CRB1: variants seen among roughly 807,000 people sequenced by gnomAD.
CRB1 encodes the protein protein crumbs homolog 1.
Under a neutral mutation model 120.0 loss-of-function variants are expected in CRB1, and 83 were observed. The observed-to-expected ratio is 0.69, with a 90% CI of 0.58 to 0.83. The LOEUF is 0.83. Among genes scored for constraint, CRB1 ranks in the 40% least tolerant of loss-of-function variants. The pLI, the probability that CRB1 is intolerant of heterozygous loss-of-function variation, is 0.00. For missense variants in CRB1, 1,699 were observed against 1,687.6 expected (o/e 1.01, Z -0.12); for synonymous variants, 625 against 612.5 (o/e 1.02, Z -0.30).
chr1:197,271,221 A>G (rs1241161128), intron 1 of CRB1, among the ~76,000 whole-genome samples: 1 of 152,136 alleles, frequency 6.6e-6, no homozygotes, highest in Non-Finnish European at 1.5e-5. Flanking sequence ...GAAAGGGAGA[A>G]AGAAATTTCA....
In CRB1 at chr1:197,477,955, C is replaced by T; in HGVS notation, c.*76C>T. 1 of 1,391,500 alleles carries T rather than the reference C, an allele frequency of 7.2e-7. No homozygotes were observed. The highest frequency in any genetic ancestry group is 2.3e-5 in the East Asian group (1 of 43,792). 86.2% of individuals were successfully genotyped at this position (1,391,500 alleles called of 1,614,324 possible). ...CTGTACTTCAGGTATCTCTGACATA[C>T]CTGACAATGTTAATCTGCAACTGGG... is the stretch of plus-strand genomic sequence containing the variant. On this transcript the variant is annotated 3_prime_UTR_variant, in exon 12 of 12. Coordinates refer to ENST00000367400, the MANE Select transcript of CRB1 (RefSeq NM_201253.3).
chr1:197,477,557 G>A lies in CRB1; in HGVS notation c.4006-107G>A, dbSNP rs1667248352. 5.3e-6 allele frequency: 5 copies of A among 943,820 alleles called. No homozygotes were observed. The South Asian group carries it at 5.4e-5, about 10-fold the overall frequency. The allele number at this position is 943,820 out of a possible 1,614,324, so 58.5% of individuals were successfully genotyped here. ...CTTGGTCTTTTTACAGTACTGAGTG[G>A]TACCAGCTTGCTCTGGTTGGTCTTC... On this transcript the variant is annotated intron_variant, in intron 11 of 11. Coordinates refer to ENST00000367400, the MANE Select transcript of CRB1 (RefSeq NM_201253.3).
At chr1:197,214,420 G>A in the CRB1 span, among the ~76,000 whole-genome samples, 1 of 151,974 alleles carries the variant, frequency 6.6e-6, no homozygotes, top group Admixed American at 6.6e-5. Context: ...TATATGAAGG[G>A]CCCAATTTTA....
the CRB1 span, among the ~76,000 whole-genome samples, chr1:197,234,715 T>G: frequency 6.6e-6 from 1 of 152,210 alleles, no homozygotes; most frequent in Non-Finnish European, 1.5e-5. Flanking sequence ...AGAAGCCATG[T>G]GGGCAAGGAC....
the CRB1 span, among the ~76,000 whole-genome samples, chr1:197,214,931 A>C: frequency 1.3e-5 from 2 of 152,206 alleles, no homozygotes; most frequent in Non-Finnish European, 2.9e-5. Context: ...AAAATCGTAA[A>C]AACAAAACAA....
At chr1:197,272,849 A>ATTTT (rs1654981795) in intron 1 of CRB1, among the ~76,000 whole-genome samples, 1 of 152,206 alleles carries the variant, frequency 6.6e-6, no homozygotes, top group Admixed American at 6.5e-5. Context: ...ATTTGTCAAA[A>ATTTT]TGTACAGAAT....
At chr1:197,208,081 T>A in the CRB1 span, among the ~76,000 whole-genome samples, 2 of 152,256 alleles carry the variant, frequency 1.3e-5, no homozygotes, top group Non-Finnish European at 2.9e-5. Context: ...GATTTTTTTT[T>A]AATTTATACT....
At chr1:197,352,006 G>A (rs185876458) in intron 4 of CRB1, among the ~76,000 whole-genome samples, 2 of 152,280 alleles carry the variant, frequency 1.3e-5, no homozygotes, top group South Asian at 2.1e-4. Flanking sequence ...AGAATCCACT[G>A]ATGTAATTGC....
At position 197,477,826 on chromosome 1, in the gene CRB1, C is replaced by T. The variant is rs763324776; in HGVS notation, c.4168C>T (p.Arg1390Ter). 5.6e-6 allele frequency: 9 copies of T among 1,613,708 alleles called. No homozygotes were observed. Among genetic ancestry groups the T allele is most frequent in the Admixed American group, 5.0e-5 (3 of 59,946 alleles). The change falls in exon 12 of 12, where the codon CGA becomes TGA. Residue 1390 changes from arginine to a stop codon, truncating the protein, a stop_gained. Transcript: ENST00000367400. LOFTEE classifies it high-confidence loss of function. ...SPSRQEKEGS[R>*]VEMWNLMPPP... is the part of the protein sequence containing the mutation. ...CAGCCGTCAGGAGAAGGAGGGCTCC[C>T]GAGTGGAAATGTGGAACTTGATGCC...
intron 5 of CRB1, among the ~76,000 whole-genome samples, chr1:197,398,070 C>CA (rs1662862635): frequency 6.6e-6 from 1 of 152,172 alleles, no homozygotes; most frequent in East Asian, 1.9e-4. Context: ...CACCACTGCA[C>CA]AAAAAACTCA....
At chr1:197,412,734 C>T (rs1250378611) in intron 5 of CRB1, among the ~76,000 whole-genome samples, 5 of 152,192 alleles carry the variant, frequency 3.3e-5, no homozygotes, top group Admixed American at 2.0e-4. Flanking sequence ...AAGATTATAT[C>T]TATTTTTCTT....
chr1:197,416,392 T>A lies in CRB1; in HGVS notation c.1172-4608T>A, dbSNP rs527259317. Among the ~76,000 whole-genome samples the A allele has an allele frequency of 3.3e-5, 5 of 152,324 alleles. 1 individual carries two copies. In the South Asian group the frequency reaches 1.0e-3, roughly 32 times the overall value. On this transcript the variant is annotated intron_variant, in intron 5 of 11. Transcript: ENST00000367400. ...GTTTTATTCTCATATATTATCGACA[T>A]CTGCTGGGAACATACTATGTACAAT...
chr1:197,461,066 A>G (rs532037416), intron 11 of CRB1, among the ~76,000 whole-genome samples: 2 of 152,306 alleles, frequency 1.3e-5, no homozygotes, highest in African/African-American at 4.8e-5. Flanking sequence ...TAAATTATCC[A>G]TATTTGCAGC....
At chr1:197,371,239 G>A (rs895277523) in intron 5 of CRB1, among the ~76,000 whole-genome samples, 1 of 151,980 alleles carries the variant, frequency 6.6e-6, no homozygotes, top group Non-Finnish European at 1.5e-5. Flanking sequence ...CCTGACAAAG[G>A]TACAATTATG....
At chr1:197,246,997 G>A in the CRB1 span, among the ~76,000 whole-genome samples, 1 of 152,048 alleles carries the variant, frequency 6.6e-6, no homozygotes, top group Non-Finnish European at 1.5e-5. Context: ...CAGATAGACT[G>A]TACTCAGTTT....
At chr1:197,287,665 A>G (rs1655909442) in intron 1 of CRB1, among the ~76,000 whole-genome samples, 1 of 151,850 alleles carries the variant, frequency 6.6e-6, no homozygotes, top group Non-Finnish European at 1.5e-5. Flanking sequence ...TGTGCAGTTT[A>G]TCCAAGGATG....
At chr1:197,422,035 T>C in intron 6 of CRB1, 79 bp downstream of exon 6, 2 of 1,316,384 alleles carry the variant, frequency 1.5e-6, no homozygotes, top group South Asian at 2.4e-5. Flanking sequence ...GCCAGACTGC[T>C]TCTGCCTGCT....
At chr1:197,256,396 T>C in the CRB1 span, among the ~76,000 whole-genome samples, 1 of 152,042 alleles carries the variant, frequency 6.6e-6, no homozygotes, top group African/African-American at 2.4e-5. Context: ...TAAGTGTTAT[T>C]ATCTCTCCAA....
At chr1:197,393,634 C>G (rs1662622224) in intron 5 of CRB1, among the ~76,000 whole-genome samples, 1 of 152,026 alleles carries the variant, frequency 6.6e-6, no homozygotes, top group East Asian at 1.9e-4. Flanking sequence ...TGACCAAACT[C>G]TCTACCAAAA....
Sources: allele counts gnomAD v4.1 joint callset (sites outside exome capture counted in the v4.1 genomes callset), GRCh38; gene constraint gnomAD v4.1.1; transcripts MANE v1.5; gene names NCBI Gene and HGNC (gene_info 2026-07-23, HGNC 2026-07-21).